Variants in SUGP2 observed in about 807,000 individuals in gnomAD.
The protein encoded by SUGP2 is SURP and G-patch domain-containing protein 2.
In SUGP2, 24 loss-of-function variants were observed where a neutral mutation model predicts 90.5. The observed-to-expected ratio is 0.27, with a 90% CI of 0.19 to 0.37. SUGP2 has a LOEUF of 0.37. Ranked by LOEUF, SUGP2 falls within the 10% of genes least tolerant of loss-of-function variation. The pLI is 1.00. For synonymous variants in SUGP2, 473 were observed against 513.4 expected (o/e 0.92, Z 1.06); for missense variants, 1,233 against 1,363.3 (o/e 0.90, Z 1.51).
At chr19:19,027,808 T>C (rs1403641080) in intron 2 of SUGP2, among the ~76,000 whole-genome samples, 2 of 152,128 alleles carry the variant, frequency 1.3e-5, no homozygotes, top group Non-Finnish European at 2.9e-5. Flanking sequence ...CGGCTAACTT[T>C]TGTATTTTTA....
intron 6 of SUGP2, among the ~76,000 whole-genome samples, chr19:19,006,638 A>G (rs186941427): frequency 2.6e-5 from 4 of 152,368 alleles, no homozygotes; most frequent in Admixed American, 2.6e-4. Context: ...GCTGCCCTGC[A>G]CTGAGCTGTC....
In SUGP2 at chr19:19,023,588, T is replaced by C. The variant is rs375137180; in HGVS notation, c.1729+1031A>G. ...TCTTTTCTCCCTTCTAGTAATACCTTGTGGGGACATGTTGGAACAAGGGTT... is the reference window on the plus strand; with the variant it reads ...TCTTTTCTCCCTTCTAGTAATACCTCGTGGGGACATGTTGGAACAAGGGTT... On this transcript the variant is annotated intron_variant, in intron 3 of 10. Transcript: ENST00000452918. Among the ~76,000 whole-genome samples the C allele has an allele frequency of 5.3e-5, 8 of 152,118 alleles. No homozygotes were observed. In the East Asian group the frequency reaches 1.3e-3, roughly 26 times the overall value.
At position 19,004,385 on chromosome 19, in the gene SUGP2, C is replaced by G. The variant is rs761025251; in HGVS notation, c.2712G>C (p.Glu904Asp). ...CCGCCCCTCCAGGAGCGGGGGCCTC[C>G]TCTCCCCCATCCTCATCGTCCTCGT... ...EEDEDDEDGG[E>D]EAPAPGGAGK... Residue 904 changes from glutamate to aspartate, a missense_variant, in exon 7 of 11, where the codon GAG becomes GAC. Physicochemically the swap from Glu to Asp is conservative, Grantham distance 45 (BLOSUM62 2). This residue lies in a region of SUGP2 where 540 missense variants were observed against 542.6 expected (regional missense o/e 1.00). Coordinates refer to ENST00000452918, the MANE Select transcript of SUGP2 (RefSeq NM_001017392.5). The G allele has an allele frequency of 3.1e-6, 5 of 1,614,016 alleles. No homozygotes were observed. Among genetic ancestry groups the G allele is most frequent in the Non-Finnish European group, 3.4e-6 (4 of 1,179,962 alleles).
intron 2 of SUGP2, among the ~76,000 whole-genome samples, chr19:19,030,364 C>A (rs185686748): frequency 6.6e-6 from 1 of 151,964 alleles, no homozygotes; most frequent in Non-Finnish European, 1.5e-5. Context: ...GTGGTGCATG[C>A]CCGTAATCCC....
chr19:19,024,257 C>T (rs1390514218), intron 3 of SUGP2, among the ~76,000 whole-genome samples: 1 of 152,038 alleles, frequency 6.6e-6, no homozygotes, highest in Non-Finnish European at 1.5e-5. Context: ...ATTTCAGGTG[C>T]GTGCCACCAC....
chr19:19,002,083 A>C (rs906502891), intron 7 of SUGP2, among the ~76,000 whole-genome samples: 4 of 152,214 alleles, frequency 2.6e-5, no homozygotes, highest in Admixed American at 6.5e-5. Flanking sequence ...ATTCACTGGG[A>C]AATAATTAAA....
In SUGP2 at chr19:18,993,683, T is replaced by C. The variant is rs2057455195; in HGVS notation, c.*58A>G. The C allele has an allele frequency of 1.3e-5, 2 of 152,486 alleles. No individual in the cohort carries two copies. Among genetic ancestry groups the C allele is most frequent in the Non-Finnish European group, 2.9e-5 (2 of 68,054 alleles). The allele number at this position is 152,486 out of a possible 1,614,324, so 9.4% of individuals were successfully genotyped here. On this transcript the variant is annotated 3_prime_UTR_variant, in exon 11 of 11. Transcript: ENST00000452918. ...GCTCCAGGCCGATCCAGGGCAGGGA[T>C]GATGTTTTAAGGGCAATTGCTGCTT...
intron 3 of SUGP2, among the ~76,000 whole-genome samples, chr19:19,020,423 C>A (rs1386304861): frequency 2.6e-5 from 3 of 117,088 alleles, no homozygotes; most frequent in African/African-American, 6.5e-5. Flanking sequence ...CAGAGTGAGA[C>A]CCTGTCTCAA....
chr19:19,005,352 C>CA (rs1416847629), intron 6 of SUGP2, among the ~76,000 whole-genome samples: 2 of 152,170 alleles, frequency 1.3e-5, no homozygotes, highest in Admixed American at 6.5e-5. Context: ...CAAGTCCCCC[C>CA]AGTTAGCATA....
Position 18,993,359 on chromosome 19 carries a change from CAG to C in SUGP2, c.*380_*381del, listed in dbSNP as rs2057442442. ...ATCGTTTCCACATCACGTTTGCTAA[CAG>C]AGCACTTCTGGAGAGCAATGGCCAG... is the stretch of plus-strand genomic sequence containing the variant. On this transcript the variant is annotated 3_prime_UTR_variant, in exon 11 of 11. Coordinates refer to ENST00000452918, the MANE Select transcript of SUGP2 (RefSeq NM_001017392.5). 6.6e-6 allele frequency: 1 copy of C among 152,130 alleles called. No individual in the cohort carries two copies. Among genetic ancestry groups the C allele is most frequent in the South Asian group, 2.1e-4 (1 of 4,826 alleles). 9.4% of individuals were successfully genotyped at this position (152,130 alleles called of 1,614,324 possible). A position where few individuals can be genotyped will look rare whatever the true frequency, so the allele number is the denominator to read the frequency against.
intron 3 of SUGP2, among the ~76,000 whole-genome samples, chr19:19,022,018 C>T (rs947997862): frequency 5.3e-5 from 8 of 151,950 alleles, no homozygotes; most frequent in African/African-American, 1.9e-4. Flanking sequence ...CAGAGTCTCG[C>T]TCTGTCGCCA....
intron 10 of SUGP2, 126 bp from the exon 11 acceptor site, chr19:18,993,866 A>C (rs2057462445): frequency 6.6e-6 from 1 of 152,084 alleles, no homozygotes; most frequent in Non-Finnish European, 1.5e-5. Flanking sequence ...AAGGAAAAGG[A>C]TTTGAAGACC....
intron 5 of SUGP2, among the ~76,000 whole-genome samples, chr19:19,008,727 A>G (rs1429467874): frequency 6.6e-6 from 1 of 152,182 alleles, no homozygotes; most frequent in African/African-American, 2.4e-5. Context: ...CTGAAGCCCC[A>G]ACCCCAATTG....
In SUGP2 at chr19:19,025,615, C is replaced by T; in HGVS notation, c.733G>A (p.Val245Ile). 1 of 1,614,020 alleles carries T rather than the reference C, an allele frequency of 6.2e-7. No individual in the cohort carries two copies. The highest frequency in any genetic ancestry group is 1.1e-5 in the South Asian group (1 of 91,072). ...LTAKGGVGKLVTLRNVSTKKI... is the reference protein window; with the variant it reads ...LTAKGGVGKLITLRNVSTKKI... ...TTTGTGCTCACATTTCTCAATGTGACAAGTTTCCCAACACCCCCCTTAGCT... is the reference window on the plus strand; with the variant it reads ...TTTGTGCTCACATTTCTCAATGTGATAAGTTTCCCAACACCCCCCTTAGCT... Residue 245 changes from valine to isoleucine, a missense_variant, in exon 3 of 11, where the codon GTC becomes ATC. Physicochemically the swap from Val to Ile is conservative, Grantham distance 29 (BLOSUM62 3). This residue lies in a region of SUGP2 where 418 missense variants were observed against 399.9 expected (regional missense o/e 1.05). Transcript: ENST00000452918.
chr19:19,008,855 G>A (rs2058191658), intron 5 of SUGP2, among the ~76,000 whole-genome samples: 1 of 152,202 alleles, frequency 6.6e-6, no homozygotes. Context: ...GTGTGGGCTA[G>A]CTCAGCAGAT....
intron 4 of SUGP2, among the ~76,000 whole-genome samples, chr19:19,014,884 A>G (rs1282202611): frequency 1.3e-5 from 2 of 152,096 alleles, no homozygotes; most frequent in Non-Finnish European, 2.9e-5. Context: ...TCAGTCAAGA[A>G]AAAGCAACAT....
chr19:19,007,103 A>C (rs889115726), intron 6 of SUGP2, among the ~76,000 whole-genome samples: 1 of 152,256 alleles, frequency 6.6e-6, no homozygotes, highest in Admixed American at 6.5e-5. Context: ...CTTTCTCTGG[A>C]GGGGACATCT....
chr19:19,005,078 A>G (rs2058009462), intron 6 of SUGP2, among the ~76,000 whole-genome samples: 3 of 152,174 alleles, frequency 2.0e-5, no homozygotes, highest in Admixed American at 6.5e-5. Context: ...CTGCTGGAAC[A>G]TGTGCACCAT....
chr19:19,014,550 C>T (rs966616477), intron 4 of SUGP2, among the ~76,000 whole-genome samples: 1 of 151,662 alleles, frequency 6.6e-6, no homozygotes, highest in African/African-American at 2.4e-5. Flanking sequence ...ATGCCTGTAA[C>T]CCCAGTGATC....
Sources: gnomAD v4.1 joint callset for allele counts (sites outside exome capture counted in the v4.1 genomes callset) on GRCh38, gnomAD v4.1.1 for gene constraint, gnomAD v4.1.1 regional missense constraint, MANE v1.5 for transcripts, NCBI Gene and HGNC (gene_info 2026-07-23, HGNC 2026-07-21) for gene names.